The following NAV1 variants were observed in gnomAD, a reference collection of about 807,000 sequenced individuals.
NAV1 encodes neuron navigator 1.
In NAV1, 18 loss-of-function variants were observed where a neutral mutation model predicts 175.2. The ratio of observed to expected loss-of-function variants is 0.10; its 90% CI spans 0.07 to 0.15. NAV1 has a LOEUF of 0.15. NAV1 is among the 10% of genes least tolerant of loss of function. The pLI, the probability that NAV1 is intolerant of heterozygous loss-of-function variation, is 1.00. For synonymous variants in NAV1, 897 were observed against 978.7 expected, an observed-to-expected ratio of 0.92 and a Z score of 1.56; for missense variants, 1,731 against 2,436.6, an observed-to-expected ratio of 0.71 and a Z score of 6.10.
intron 13 of NAV1, chr1:201,793,117 G>A (rs1225800962): frequency 2.6e-5 from 4 of 152,254 alleles, no homozygotes; most frequent in Admixed American, 2.6e-4. Context: ...CAAACCAAGT[G>A]GCCTTAGCTC....
At chr1:201,621,218 C>A (rs937755326), upstream of NAV1, among the ~76,000 whole-genome samples, 1 of 151,288 alleles carries the variant, frequency 6.6e-6, no homozygotes, top group African/African-American at 2.4e-5. Context: ...CTGTGCCCCA[C>A]CTGCCCTTTA....
chr1:201,586,079 AC>A (rs1271030293), intron 1 of NAV1, among the ~76,000 whole-genome samples: 2 of 152,222 alleles, frequency 1.3e-5, no homozygotes, highest in African/African-American at 4.8e-5. Context: ...GTATCTGTTG[AC>A]AGATGAATAG....
intron 2 of NAV1, among the ~76,000 whole-genome samples, chr1:201,589,601 C>T (rs548159780): frequency 8.9e-4 from 135 of 152,284 alleles, no homozygotes; most frequent in African/African-American, 3.1e-3. Flanking sequence ...GATTGATCCT[C>T]CCACCTCAGC....
rs186544436 is a variant in NAV1 at position 201,681,544 on chromosome 1, G to A, written c.758-31273G>A. Among the ~76,000 whole-genome samples, 8 of 152,276 alleles carry A rather than the reference G, an allele frequency of 5.3e-5. No homozygotes were observed. In the South Asian group the frequency reaches 8.3e-4, roughly 16 times the overall value. On this transcript the variant is annotated intron_variant, in intron 1 of 29. Coordinates refer to ENST00000367296, the Ensembl canonical transcript of NAV1. ...CATGTGGGAACATTGCTTCCTGTTC[G>A]GTCCAGCTGGACTCCTTGCTCTCCC...
Position 201,595,857 on chromosome 1 carries a change from G to A in NAV1, c.-33+7208G>A, listed in dbSNP as rs376310824. 5.9e-5 allele frequency among the ~76,000 whole-genome samples: 9 copies of A among 152,360 alleles called. No homozygotes were observed. The East Asian group carries it at 1.5e-3, about 26-fold the overall frequency. On this transcript the variant is annotated intron_variant, in intron 2 of 33. Coordinates refer to the NAV1 transcript ENST00000685211. ...TCTTCTGCCTCTTCCACCAAGCCAT[G>A]TCCTTCCTGATGCAGCATTCTCCTC...
At chr1:201,819,766 T>C (rs1184709115) in intron 29 of NAV1, 71 bp from the exon 34 acceptor site, 1 of 1,369,958 alleles carries the variant, frequency 7.3e-7, no homozygotes, top group Non-Finnish European at 1.0e-6. Context: ...ATTTTGTTGT[T>C]GTTGTTTCCC....
intron 2 of NAV1, among the ~76,000 whole-genome samples, chr1:201,717,417 A>T (rs1672182555): frequency 6.6e-6 from 1 of 152,188 alleles, no homozygotes; most frequent in Admixed American, 6.5e-5. Flanking sequence ...GCTAGGCTAG[A>T]TGGAATTATG....
At chr1:201,778,556 T>G (rs1676103898) in intron 3 of NAV1, among the ~76,000 whole-genome samples, 2 of 152,204 alleles carry the variant, frequency 1.3e-5, no homozygotes, top group African/African-American at 2.4e-5. Context: ...AGGACAAATG[T>G]GAGGTTTAAT....
At chr1:201,557,285 A>G (rs545829512) in intron 1 of NAV1, among the ~76,000 whole-genome samples, 7 of 152,308 alleles carry the variant, frequency 4.6e-5, no homozygotes, top group African/African-American at 1.7e-4. Context: ...TTGTGAAACA[A>G]TGCAAGAGAT....
intron 3 of NAV1, among the ~76,000 whole-genome samples, chr1:201,727,544 G>A (rs1672659440): frequency 6.6e-6 from 1 of 152,206 alleles, no homozygotes; most frequent in African/African-American, 2.4e-5. Flanking sequence ...TGGGCTGTCA[G>A]TCCTTCACTC....
At chr1:201,640,239 G>A (rs1668712780) in intron 2 of NAV1, among the ~76,000 whole-genome samples, 5 of 152,210 alleles carry the variant, frequency 3.3e-5, no homozygotes, top group Admixed American at 3.3e-4. Context: ...TGGGGCCAGA[G>A]AGGGTGAGCC....
chr1:201,715,783 C>T (rs1238686909), intron 2 of NAV1, among the ~76,000 whole-genome samples: 3 of 152,202 alleles, frequency 2.0e-5, no homozygotes, highest in African/African-American at 7.2e-5. Context: ...CATTCCTTTT[C>T]AGAAGCCTTT....
intron 1 of NAV1, among the ~76,000 whole-genome samples, chr1:201,573,400 G>A (rs902098573): frequency 1.3e-5 from 2 of 152,336 alleles, no homozygotes; most frequent in Non-Finnish European, 2.9e-5. Context: ...GGAAGGAAGG[G>A]AGGGGAATAA....
Position 201,714,254 on chromosome 1 carries a change from G to A in NAV1, c.860+1335G>A, listed in dbSNP as rs939836962. 2.8e-4 allele frequency among the ~76,000 whole-genome samples: 42 copies of A among 152,220 alleles called. 1 individual carries two copies. The highest frequency in any genetic ancestry group is 1.0e-3 in the African/African-American group (42 of 41,454). On this transcript the variant is annotated intron_variant, in intron 2 of 29. Coordinates refer to ENST00000367296, the Ensembl canonical transcript of NAV1. ...CACCCCGGTGCATTGTGGGATTGCAGCAACTCTGATGTGGAACTGCACTTA... is the reference window on the plus strand; with the variant it reads ...CACCCCGGTGCATTGTGGGATTGCAACAACTCTGATGTGGAACTGCACTTA...
exon 15 of NAV1, chr1:201,794,522 T>C (rs1453254689): frequency 6.2e-7 from 1 of 1,613,828 alleles, no homozygotes; most frequent in African/African-American, 1.3e-5. Flanking sequence ...AAAAGAACTC[T>C]GAGGCCCAGG....
intron 1 of NAV1, among the ~76,000 whole-genome samples, chr1:201,552,289 G>A (rs892354552): frequency 6.6e-6 from 1 of 152,192 alleles, no homozygotes; most frequent in African/African-American, 2.4e-5. Flanking sequence ...AGCTTAGTTG[G>A]GTCCTGATAC....
At chr1:201,615,878 G>C (rs1461646984) in intron 2 of NAV1, among the ~76,000 whole-genome samples, 1 of 152,146 alleles carries the variant, frequency 6.6e-6, no homozygotes, top group African/African-American at 2.4e-5. Context: ...TCCTGTTGAT[G>C]CTTCAGGTTT....
At position 201,600,359 on chromosome 1, in the gene NAV1, C is replaced by A. The variant is rs140486889; in HGVS notation, c.-33+11710C>A. 1.5e-3 allele frequency among the ~76,000 whole-genome samples: 235 copies of A among 152,346 alleles called. 1 individual carries two copies. The highest frequency in any genetic ancestry group is 5.3e-3 in the African/African-American group (221 of 41,568). ...GTGGACAATAACCCCAACGACTTCT[C>A]CTTTTCCCCTGAAGCATGGTGGAGA... On this transcript the variant is annotated intron_variant, in intron 2 of 33. Transcript: ENST00000685211.
At position 201,790,675 on chromosome 1, in the gene NAV1, T is replaced by A. The variant is rs139807947; in HGVS notation, c.3244-14T>A. 1 of 1,614,176 alleles carries A rather than the reference T, an allele frequency of 6.2e-7. No homozygotes were observed. The highest frequency in any genetic ancestry group is 2.2e-5 in the East Asian group (1 of 44,872). On this transcript the variant is annotated splice_polypyrimidine_tract_variant and intron_variant, in intron 12 of 29. Coordinates refer to ENST00000367296, the Ensembl canonical transcript of NAV1. ...TTCTGCAGCCAGTAGTTTGTATTTC[T>A]CTTCCTTTTACAGCAAATCCGGAAG...
Sources: gnomAD v4.1 joint callset for allele counts (sites outside exome capture counted in the v4.1 genomes callset) on GRCh38, gnomAD v4.1.1 for gene constraint, MANE v1.5 for transcripts, NCBI Gene and HGNC (gene_info 2026-07-23, HGNC 2026-07-21) for gene names.